Variants in FLYWCH1 observed in about 807,000 individuals in gnomAD.
FLYWCH1 encodes the protein FLYWCH-type zinc finger 1.
A neutral mutation model predicts 66.4 loss-of-function variants in FLYWCH1; 75 were observed. The ratio of observed to expected loss-of-function variants is 1.13; its 90% CI spans 0.94 to 1.37. The LOEUF is 1.37. FLYWCH1 is among the 40% of genes most tolerant of loss of function. The probability of loss-of-function intolerance (pLI) is 0.00; values close to 1 mark genes in which losing one functional copy is unlikely to be tolerated. For missense variants in FLYWCH1, 1,334 were observed against 1,001.8 expected (o/e 1.33, Z -4.48); for synonymous variants, 595 against 429.9 (o/e 1.38, Z -4.75).
chr16:2,914,553 T>C (rs1454340613), intron 2 of FLYWCH1, among the ~76,000 whole-genome samples: 1 of 152,136 alleles, frequency 6.6e-6, no homozygotes, highest in Non-Finnish European at 1.5e-5. Context: ...ACTGAGACTT[T>C]GGAGCTTTCC....
At chr16:2,919,720 A>G (rs1302935506) in intron 2 of FLYWCH1, among the ~76,000 whole-genome samples, 1 of 152,190 alleles carries the variant, frequency 6.6e-6, no homozygotes, top group Non-Finnish European at 1.5e-5. Flanking sequence ...TGTAAATATA[A>G]CATTTTGGAA....
chr16:2,930,948 A>C, intron 4 of FLYWCH1, 68 bp downstream of exon 4: 2 of 1,241,610 alleles, frequency 1.6e-6, no homozygotes, highest in South Asian at 1.4e-5. Flanking sequence ...TCCTCAGCCC[A>C]AATAGAAATG....
At chr16:2,916,821 G>GCT (rs1336927830) in intron 2 of FLYWCH1, among the ~76,000 whole-genome samples, 64 of 151,812 alleles carry the variant, frequency 4.2e-4, no homozygotes, top group African/African-American at 1.4e-3. Context: ...TAAGGTTCCT[G>GCT]AAACTTGTTA....
intron 1 of FLYWCH1, among the ~76,000 whole-genome samples, chr16:2,912,814 C>G (rs1328234060): frequency 1.3e-5 from 2 of 152,210 alleles, no homozygotes; most frequent in Non-Finnish European, 2.9e-5. Flanking sequence ...TAAACCCTGC[C>G]TGTTGTTCCT....
In FLYWCH1 at chr16:2,930,892, C is replaced by A. The variant is rs775372711; in HGVS notation, c.796+12C>A. 26 of 1,572,756 alleles carry A rather than the reference C, an allele frequency of 1.7e-5. No homozygotes were observed. The Admixed American group carries it at 3.4e-4, about 21-fold the overall frequency. ...GATCCTGGGGCTGGGTGAGTACAAT[C>A]CACTCCCCTGCTGCGTCCACTCGGG... On this transcript the variant is annotated intron_variant, in intron 4 of 9. Coordinates refer to ENST00000253928, the MANE Select transcript of FLYWCH1 (RefSeq NM_001308068.2).
rs964028423 is a variant in FLYWCH1 at position 2,933,950 on chromosome 16, G to T, written c.1484G>T (p.Arg495Leu). ...GLEALRQREK[R>L]PNTAQRGSPG... ...GAGGCCCTGAGGCAGCGGGAGAAAC[G>T]CCCCAACACGGCGCAGCGGGGGAGC... The change falls in exon 6 of 10, where the codon CGC becomes CTC. Residue 495 changes from arginine to leucine, a missense_variant. By Grantham distance (102) the Arg-to-Leu change is moderately radical (BLOSUM62 -2). Coordinates refer to ENST00000253928, the MANE Select transcript of FLYWCH1 (RefSeq NM_001308068.2). 1.9e-6 allele frequency: 3 copies of T among 1,556,738 alleles called. No individual in the cohort carries two copies. The highest frequency in any genetic ancestry group is 1.8e-4 in the Middle Eastern group (1 of 5,558).
chr16:2,921,476 C>A (rs1179945240), intron 2 of FLYWCH1, among the ~76,000 whole-genome samples: 1 of 151,642 alleles, frequency 6.6e-6, no homozygotes, highest in Non-Finnish European at 1.5e-5. Context: ...GTGGGAGGAT[C>A]GCTTGATCCC....
intron 9 of FLYWCH1, among the ~76,000 whole-genome samples, chr16:2,941,221 G>A (rs1336317095): frequency 6.6e-6 from 1 of 152,196 alleles, no homozygotes; most frequent in Admixed American, 6.5e-5. Flanking sequence ...GGGAGGCAGA[G>A]GCAGGAGGAT....
intron 2 of FLYWCH1, chr16:2,922,877 G>A (rs1217170511): frequency 1.9e-6 from 1 of 524,192 alleles, no homozygotes. Flanking sequence ...GGCAGACTCA[G>A]TGGTCGGTGG....
At chr16:2,927,282 C>G (rs59008953) in intron 2 of FLYWCH1, among the ~76,000 whole-genome samples, 12,715 of 152,258 alleles carry the variant, frequency 0.084, 790 homozygotes, top group East Asian at 0.27. Flanking sequence ...AGCTAGAAAA[C>G]AGGGAGATCT....
chr16:2,932,522 G>C (rs2070802749), intron 4 of FLYWCH1, among the ~76,000 whole-genome samples: 1 of 152,018 alleles, frequency 6.6e-6, no homozygotes, highest in African/African-American at 2.4e-5. Flanking sequence ...TGGGACATGG[G>C]CTTGGGTTCG....
At chr16:2,931,203 T>C (rs1338567606) in intron 4 of FLYWCH1, among the ~76,000 whole-genome samples, 1 of 148,076 alleles carries the variant, frequency 6.8e-6, no homozygotes, top group Non-Finnish European at 1.5e-5. Flanking sequence ...CTCAGGAGAC[T>C]GAGGCAGGAG....
rs751139941 is a variant in FLYWCH1 at position 2,948,946 on chromosome 16, C to T, written c.*219C>T. ...AGTGCTCAGAGCTGGCGCTTGCAGA[C>T]GCAGCTGTCGTGGGGCAGGGCGGTG... is the stretch of plus-strand genomic sequence containing the variant. On this transcript the variant is annotated 3_prime_UTR_variant, in exon 10 of 10. Coordinates refer to ENST00000253928, the MANE Select transcript of FLYWCH1 (RefSeq NM_001308068.2). The T allele has an allele frequency of 3.1e-5, 17 of 547,872 alleles. No individual in the cohort carries two copies. The highest frequency in any genetic ancestry group is 1.0e-4 in the South Asian group (5 of 48,440). The allele number at this position is 547,872 out of a possible 1,614,324, so 33.9% of individuals were successfully genotyped here. A position where few individuals can be genotyped will look rare whatever the true frequency, so the allele number is the denominator to read the frequency against.
rs746828171 is a variant in FLYWCH1, at chr16:2,933,822, C to T, written c.1356C>T (p.Cys452=). ...CTGGGGAGAAGGTGTATTGGACCTG[C>T]CGGGACCAGGCCCGCATGGGCTGCC... ...KAAGEKVYWT[C]RDQARMGCRS... Residue 452 remains cysteine, a synonymous_variant, in exon 6 of 10, where the codon TGC becomes TGT. Transcript: ENST00000253928. 1.5e-5 allele frequency: 24 copies of T among 1,609,032 alleles called. No individual in the cohort carries two copies. Among genetic ancestry groups the T allele is most frequent in the Non-Finnish European group, 2.0e-5 (23 of 1,178,170 alleles).
chr16:2,913,526 A>G (rs2070061739), intron 1 of FLYWCH1, among the ~76,000 whole-genome samples: 2 of 152,114 alleles, frequency 1.3e-5, no homozygotes, highest in Non-Finnish European at 2.9e-5. Context: ...GGTGGTCACA[A>G]CGTGTGGTAG....
intron 2 of FLYWCH1, among the ~76,000 whole-genome samples, chr16:2,916,927 G>T (rs2070188275): frequency 6.6e-6 from 1 of 150,656 alleles, no homozygotes; most frequent in South Asian, 2.1e-4. Context: ...GGTGGATCAT[G>T]AGGTCAGGAG....
chr16:2,930,734 AG>A lies in FLYWCH1; in HGVS notation c.655del (p.Val219TrpfsTer18). The A allele has an allele frequency of 6.4e-7, 1 of 1,553,656 alleles. No homozygotes were observed. On this transcript the variant is annotated frameshift_variant, in exon 4 of 10. Transcript: ENST00000253928. LOFTEE classifies it high-confidence loss of function. ...GPGGRVEEPL[E>X]GVGPWQCPEE... Reference sequence around the variant, plus strand: ...GGAGGCCGAGTGGAGGAGCCCCTGGAGGGGGTGGGCCCGTGGCAGTGCCCTG... The same window carrying A: ...GGAGGCCGAGTGGAGGAGCCCCTGGAGGGGTGGGCCCGTGGCAGTGCCCTG...
chr16:2,924,752 G>A (rs2070497142), intron 2 of FLYWCH1, among the ~76,000 whole-genome samples: 1 of 152,212 alleles, frequency 6.6e-6, no homozygotes, highest in African/African-American at 2.4e-5. Context: ...GTGGCGGTGG[G>A]TCAGCATCTA....
rs2071114501 is a variant in FLYWCH1 at position 2,938,460 on chromosome 16, C to G, written c.2050+4C>G. 5.3e-6 allele frequency: 8 copies of G among 1,519,354 alleles called. No homozygotes were observed. Among genetic ancestry groups the G allele is most frequent in the Non-Finnish European group, 7.0e-6 (8 of 1,135,546 alleles). The allele number at this position is 1,519,354 out of a possible 1,614,324, so 94.1% of individuals were successfully genotyped here. ...ACGGCCCAGCAGGAGGACCCAGGTA[C>G]AGGCAGGCTGTGGGGCAGAGGCAGG... On this transcript the variant is annotated splice_donor_region_variant and intron_variant, in intron 8 of 9. Transcript: ENST00000253928.
Sources: gnomAD v4.1 joint callset for allele counts (sites outside exome capture counted in the v4.1 genomes callset) on GRCh38, gnomAD v4.1.1 for gene constraint, MANE v1.5 for transcripts, NCBI Gene and HGNC (gene_info 2026-07-23, HGNC 2026-07-21) for gene names.